PTPRC: variants seen among roughly 807,000 people sequenced by gnomAD.
PTPRC encodes receptor-type tyrosine-protein phosphatase C.
A neutral mutation model predicts 155.9 loss-of-function variants in PTPRC; 44 were observed. That is an observed-to-expected ratio of 0.28 (90% CI 0.22 to 0.36). The LOEUF (loss-of-function observed/expected upper bound fraction) is 0.36, where lower values mean the gene tolerates loss of function less well. Among genes scored for constraint, PTPRC ranks in the 10% least tolerant of loss-of-function variants. PTPRC has a pLI of 1.00. For missense variants in PTPRC, 1,401 were observed against 1,564.6 expected (o/e 0.90, Z 1.76); for synonymous variants, 525 against 533.1 (o/e 0.98, Z 0.21).
At chr1:198,684,415 A>T (rs754578446) in intron 2 of PTPRC, among the ~76,000 whole-genome samples, 31 of 151,868 alleles carry the variant, frequency 2.0e-4, no homozygotes, top group Non-Finnish European at 4.0e-4. Context: ...TATCTTTAAA[A>T]TTTTTTAATT....
intron 11 of PTPRC, 57 bp downstream of exon 11, chr1:198,709,881 A>C (rs1267101684): frequency 1.3e-6 from 2 of 1,581,310 alleles, no homozygotes; most frequent in Non-Finnish European, 1.7e-6. Flanking sequence ...TGTTCTTATA[A>C]TTATTTGAGA....
At chr1:198,747,344 A>G (rs1655179701) in intron 26 of PTPRC, among the ~76,000 whole-genome samples, 1 of 151,688 alleles carries the variant, frequency 6.6e-6, no homozygotes. Context: ...AGAAGTATTG[A>G]GGGACCCAGT....
At chr1:198,733,917 C>G (rs1029620961) in intron 20 of PTPRC, among the ~76,000 whole-genome samples, 4 of 151,800 alleles carry the variant, frequency 2.6e-5, no homozygotes, top group Non-Finnish European at 4.4e-5. Flanking sequence ...ATTACCACAG[C>G]ATCGCAGATG....
At chr1:198,696,183 T>TAG (rs141367567) in intron 3 of PTPRC, among the ~76,000 whole-genome samples, 12,551 of 149,606 alleles carry the variant, frequency 0.084, 659 homozygotes, top group Middle Eastern at 0.12. Flanking sequence ...TATATATATA[T>TAG]ATAGATAGAT....
At chr1:198,690,644 A>T (rs2102363170) in intron 2 of PTPRC, among the ~76,000 whole-genome samples, 1 of 152,184 alleles carries the variant, frequency 6.6e-6, no homozygotes, top group East Asian at 1.9e-4. Flanking sequence ...TGCTCCTTGG[A>T]TGGCAACTCT....
chr1:198,708,057 A>G (rs1653092086), intron 9 of PTPRC, 76 bp from the exon 10 acceptor site: 1 of 1,384,208 alleles, frequency 7.2e-7, no homozygotes, highest in South Asian at 1.2e-5. Context: ...TTTAACTGAC[A>G]TGTTAGGAAT....
chr1:198,674,921 C>T (rs528275640), intron 2 of PTPRC, among the ~76,000 whole-genome samples: 31 of 152,196 alleles, frequency 2.0e-4, no homozygotes, highest in Non-Finnish European at 4.1e-4. Context: ...TTGAATTTTG[C>T]CCATTTTTCC....
chr1:198,695,914 C>A (rs1275140907), intron 3 of PTPRC, among the ~76,000 whole-genome samples: 1 of 152,120 alleles, frequency 6.6e-6, no homozygotes, highest in Non-Finnish European at 1.5e-5. Context: ...GTAATCCCAG[C>A]ACTTTGGGAG....
chr1:198,711,283 A>G (rs745969659), intron 11 of PTPRC, among the ~76,000 whole-genome samples: 62 of 152,208 alleles, frequency 4.1e-4, no homozygotes, highest in Non-Finnish European at 8.2e-4. Flanking sequence ...ATTTTAATGT[A>G]TTTTTATTAG....
chr1:198,742,418 A>T, intron 25 of PTPRC, 51 bp downstream of exon 25: 1 of 1,595,316 alleles, frequency 6.3e-7, no homozygotes. Flanking sequence ...TTGGACTTAA[A>T]TCTTTTCCAA....
intron 2 of PTPRC, among the ~76,000 whole-genome samples, chr1:198,650,973 A>G (rs1013670533): frequency 6.6e-6 from 1 of 151,910 alleles, no homozygotes; most frequent in African/African-American, 2.4e-5. Context: ...TTGGTTGTGA[A>G]CATGCAATTG....
intron 15 of PTPRC, among the ~76,000 whole-genome samples, chr1:198,723,685 T>A (rs1653998001): frequency 6.6e-6 from 1 of 152,196 alleles, no homozygotes; most frequent in Non-Finnish European, 1.5e-5. Context: ...CTGAAACATT[T>A]CACCTGGAAA....
At chr1:198,650,962 G>A (rs1329319798) in intron 2 of PTPRC, among the ~76,000 whole-genome samples, 5 of 151,798 alleles carry the variant, frequency 3.3e-5, no homozygotes, top group Admixed American at 2.0e-4. Flanking sequence ...CCCTAGAAAG[G>A]TTGGTTGTGA....
intron 12 of PTPRC, among the ~76,000 whole-genome samples, chr1:198,716,322 A>C (rs937118811): frequency 6.6e-6 from 1 of 152,266 alleles, no homozygotes; most frequent in Admixed American, 6.5e-5. Flanking sequence ...TTTCTAAAAA[A>C]GAATCATTCT....
At chr1:198,697,670 G>T (rs1666268877) in intron 4 of PTPRC, among the ~76,000 whole-genome samples, 1 of 152,114 alleles carries the variant, frequency 6.6e-6, no homozygotes, top group Non-Finnish European at 1.5e-5. Flanking sequence ...GAAATAATGT[G>T]TTATGTTGAC....
chr1:198,725,144 T>C (rs776058448), intron 15 of PTPRC, among the ~76,000 whole-genome samples: 10 of 152,172 alleles, frequency 6.6e-5, no homozygotes, highest in Non-Finnish European at 7.4e-5. Flanking sequence ...TATTGACCTT[T>C]GTAACCTGAA....
intron 25 of PTPRC, among the ~76,000 whole-genome samples, chr1:198,743,636 TA>T (rs910362099): frequency 1.3e-5 from 2 of 151,746 alleles, no homozygotes; most frequent in African/African-American, 4.8e-5. Context: ...CTAAAAACTA[TA>T]AAAAAAGGTT....
At chr1:198,640,758 T>C (rs879636776) in intron 2 of PTPRC, among the ~76,000 whole-genome samples, 2 of 152,032 alleles carry the variant, frequency 1.3e-5, no homozygotes, top group Non-Finnish European at 2.9e-5. Context: ...CTGAGACATT[T>C]TGTAAGCCAG....
chr1:198,651,799 C>A (rs995775699), intron 2 of PTPRC, among the ~76,000 whole-genome samples: 1 of 151,506 alleles, frequency 6.6e-6, no homozygotes, highest in African/African-American at 2.4e-5. Flanking sequence ...TTTAATTTTC[C>A]TTGTTCTAAT....
Sources: allele counts gnomAD v4.1 joint callset (sites outside exome capture counted in the v4.1 genomes callset), GRCh38; gene constraint gnomAD v4.1.1; transcripts MANE v1.5; gene names NCBI Gene and HGNC (gene_info 2026-07-23, HGNC 2026-07-21).